Variants in FOXP1 observed in about 807,000 individuals in gnomAD.
The protein encoded by FOXP1 is forkhead box P1.
A neutral mutation model predicts 98.2 loss-of-function variants in FOXP1; 15 were observed. The ratio of observed to expected loss-of-function variants is 0.15; its 90% CI spans 0.10 to 0.24. FOXP1 has a LOEUF of 0.24. Among genes scored for constraint, FOXP1 ranks in the 10% least tolerant of loss-of-function variants. The pLI is 1.00. For missense variants in FOXP1, 633 were observed against 848.5 expected, an observed-to-expected ratio of 0.75 and a Z score of 3.15; for synonymous variants, 371 against 314.5, an observed-to-expected ratio of 1.18 and a Z score of -1.90.
intron 3 of FOXP1, among the ~76,000 whole-genome samples, chr3:71,394,018 A>G (rs2108142502): frequency 6.6e-6 from 1 of 152,316 alleles, no homozygotes; most frequent in South Asian, 2.1e-4. Flanking sequence ...TGACACATAC[A>G]AATGTCTGCG....
rs115147940 is a variant in FOXP1 at position 71,426,478 on chromosome 3, T to C, written c.-168+66948A>G. Among the ~76,000 whole-genome samples the C allele has an allele frequency of 7.1e-3, 1,088 of 152,244 alleles. 5 individuals are homozygous for C. Among genetic ancestry groups the C allele is most frequent in the Non-Finnish European group, 0.011 (741 of 68,016 alleles). On this transcript the variant is annotated intron_variant, in intron 3 of 20. Coordinates refer to ENST00000649528, the MANE Select transcript of FOXP1 (RefSeq NM_001349338.3). ...TACAAGACGACCCAAGTGGAATGAA[T>C]GCACAGGATAAGTAGAGATGAACCC...
chr3:71,435,047 T>C (rs1369599791), intron 3 of FOXP1, among the ~76,000 whole-genome samples: 2 of 151,242 alleles, frequency 1.3e-5, no homozygotes, highest in African/African-American at 4.9e-5. Flanking sequence ...CTTAAACTGA[T>C]AATTAACACA....
intron 6 of FOXP1, among the ~76,000 whole-genome samples, chr3:71,121,206 T>C (rs894472042): frequency 2.6e-5 from 4 of 151,994 alleles, no homozygotes; most frequent in Non-Finnish European, 4.4e-5. Context: ...AGGCTCTAGA[T>C]AGGAGGTGGC....
chr3:71,122,358 T>C (rs1037416240), intron 6 of FOXP1, among the ~76,000 whole-genome samples: 1 of 152,074 alleles, frequency 6.6e-6, no homozygotes, highest in Non-Finnish European at 1.5e-5. Context: ...AATGGGAATA[T>C]AGGAAAGGGC....
At chr3:71,224,088 CT>C (rs1321876142) in intron 5 of FOXP1, among the ~76,000 whole-genome samples, 3 of 152,158 alleles carry the variant, frequency 2.0e-5, no homozygotes, top group African/African-American at 7.2e-5. Flanking sequence ...GTTGTACCAT[CT>C]GTATAGTAAA....
At chr3:71,219,449 C>T (rs1175427304) in intron 5 of FOXP1, among the ~76,000 whole-genome samples, 1 of 152,158 alleles carries the variant, frequency 6.6e-6, no homozygotes, top group African/African-American at 2.4e-5. Flanking sequence ...AATTTAAAAA[C>T]CAATACCTAA....
chr3:71,003,335 A>G (rs1478108927), intron 12 of FOXP1, among the ~76,000 whole-genome samples: 1 of 152,128 alleles, frequency 6.6e-6, no homozygotes, highest in African/African-American at 2.4e-5. Flanking sequence ...TAAACACAGT[A>G]TTTGTGGATT....
At chr3:70,979,895 T>G (rs915791296) in intron 14 of FOXP1, among the ~76,000 whole-genome samples, 13 of 151,918 alleles carry the variant, frequency 8.6e-5, no homozygotes, top group African/African-American at 3.1e-4. Flanking sequence ...GAAGAAATAC[T>G]AATGGAAAAA....
intron 6 of FOXP1, among the ~76,000 whole-genome samples, chr3:71,188,453 A>C (rs530859837): frequency 2.4e-3 from 332 of 139,538 alleles, no homozygotes; most frequent in African/African-American, 8.6e-3. Context: ...TCGCTCTTGT[A>C]GCCCAGGCTG....
At chr3:71,090,306 A>G (rs2055658605) in intron 7 of FOXP1, among the ~76,000 whole-genome samples, 1 of 152,220 alleles carries the variant, frequency 6.6e-6, no homozygotes, top group African/African-American at 2.4e-5. Context: ...CCCTGTTTGT[A>G]ACAGAGTTGT....
chr3:71,401,173 T>G (rs2081937039), intron 3 of FOXP1, among the ~76,000 whole-genome samples: 1 of 152,214 alleles, frequency 6.6e-6, no homozygotes, highest in African/African-American at 2.4e-5. Context: ...ACATCAACAT[T>G]ATCTTTATTT....
chr3:71,355,602 A>G (rs907569699), intron 4 of FOXP1, among the ~76,000 whole-genome samples: 3 of 152,164 alleles, frequency 2.0e-5, no homozygotes, highest in Non-Finnish European at 4.4e-5. Flanking sequence ...ATTGGAAACC[A>G]CGCGGCAAAA....
At chr3:71,108,111 G>A (rs998643647) in intron 7 of FOXP1, among the ~76,000 whole-genome samples, 2 of 152,206 alleles carry the variant, frequency 1.3e-5, no homozygotes, top group Admixed American at 1.3e-4. Flanking sequence ...ATTCTTTATA[G>A]AGGGCCTGAA....
intron 12 of FOXP1, among the ~76,000 whole-genome samples, chr3:71,004,615 C>T (rs536556248): frequency 6.6e-6 from 1 of 152,148 alleles, no homozygotes; most frequent in East Asian, 1.9e-4. Flanking sequence ...TAACGTTGTG[C>T]ACATTTTGAC....
intron 4 of FOXP1, among the ~76,000 whole-genome samples, chr3:71,348,522 CGT>C (rs772944612): frequency 0.045 from 3,174 of 69,958 alleles, 102 homozygotes; most frequent in African/African-American, 0.11. Flanking sequence ...TGTGTGTGTG[CGT>C]GTGTGTGTGT....
intron 4 of FOXP1, among the ~76,000 whole-genome samples, chr3:71,348,506 AGTGTGTGTGTGTGTGC>A (rs746339852): frequency 1.0e-3 from 92 of 90,546 alleles, no homozygotes; most frequent in East Asian, 1.6e-3. Context: ...TGCTGTGTTC[AGTGTGTGTGTGTGTGC>A]GTGTGTGTGT....
chr3:71,530,854 T>A (rs1347817941), intron 2 of FOXP1, among the ~76,000 whole-genome samples: 4 of 151,988 alleles, frequency 2.6e-5, no homozygotes, highest in African/African-American at 9.7e-5. Flanking sequence ...GAGGGGTCAA[T>A]GAAAACCTGA....
chr3:71,112,258 T>C (rs2058005693), intron 7 of FOXP1, among the ~76,000 whole-genome samples: 1 of 152,178 alleles, frequency 6.6e-6, no homozygotes, highest in African/African-American at 2.4e-5. Context: ...TGAACTTTTC[T>C]CATTGGTAAC....
intron 3 of FOXP1, among the ~76,000 whole-genome samples, chr3:71,458,827 T>C (rs954052640): frequency 6.6e-6 from 1 of 152,216 alleles, no homozygotes; most frequent in South Asian, 2.1e-4. Flanking sequence ...AAATGGGATT[T>C]GGGCACCGTA....
Sources: allele counts gnomAD v4.1 joint callset (sites outside exome capture counted in the v4.1 genomes callset), GRCh38; gene constraint gnomAD v4.1.1; transcripts MANE v1.5; gene names NCBI Gene and HGNC (gene_info 2026-07-23, HGNC 2026-07-21).